C8orf34: variants seen among roughly 807,000 people sequenced by gnomAD.
The protein encoded by C8orf34 is chromosome 8 open reading frame 34.
A neutral mutation model predicts 68.3 loss-of-function variants in C8orf34; 65 were observed. The ratio of observed to expected loss-of-function variants is 0.95; its 90% CI spans 0.78 to 1.17. The LOEUF (loss-of-function observed/expected upper bound fraction) is 1.17. C8orf34 is among the 50% of genes most tolerant of loss of function. The pLI is 0.00. For missense variants in C8orf34, 664 were observed against 655.4 expected, an observed-to-expected ratio of 1.01 and a Z score of -0.14; for synonymous variants, 244 against 241.2, an observed-to-expected ratio of 1.01 and a Z score of -0.11.
At chr8:68,582,930 G>A (rs1817108278) in intron 7 of C8orf34, among the ~76,000 whole-genome samples, 1 of 152,066 alleles carries the variant, frequency 6.6e-6, no homozygotes, top group Non-Finnish European at 1.5e-5. Context: ...GTAATATTTG[G>A]TATAAAGGTT....
intron 8 of C8orf34, among the ~76,000 whole-genome samples, chr8:68,652,021 A>G (rs547182570): frequency 2.6e-5 from 4 of 152,332 alleles, no homozygotes; most frequent in Non-Finnish European, 5.9e-5. Flanking sequence ...CGTGCATTAT[A>G]ATAGACAGAG....
chr8:68,678,764 C>T (rs4326370), intron 8 of C8orf34, among the ~76,000 whole-genome samples: 33,502 of 146,888 alleles, frequency 0.23, 4,017 homozygotes, highest in Middle Eastern at 0.37. Context: ...AAGAAAAAGA[C>T]ACAAAGGGAA....
intron 12 of C8orf34, among the ~76,000 whole-genome samples, chr8:68,809,523 T>C (rs1445393168): frequency 6.6e-6 from 1 of 152,156 alleles, no homozygotes; most frequent in African/African-American, 2.4e-5. Flanking sequence ...ATGCCTGTGG[T>C]CCCAGCTACT....
chr8:68,684,399 T>C (rs1009824139), intron 8 of C8orf34, among the ~76,000 whole-genome samples: 1 of 152,140 alleles, frequency 6.6e-6, no homozygotes, highest in Non-Finnish European at 1.5e-5. Context: ...AGGAGCCAGT[T>C]TGGATGGACA....
chr8:68,632,320 G>A (rs1353782698), intron 7 of C8orf34, among the ~76,000 whole-genome samples: 1 of 152,110 alleles, frequency 6.6e-6, no homozygotes, highest in African/African-American at 2.4e-5. Flanking sequence ...TAGGGTATCT[G>A]GCAGAAGAAA....
intron 5 of C8orf34, among the ~76,000 whole-genome samples, chr8:68,500,410 G>C (rs1813714939): frequency 6.6e-6 from 1 of 152,188 alleles, no homozygotes; most frequent in African/African-American, 2.4e-5. Flanking sequence ...TGAATGCCAC[G>C]TGGGATCCAG....
At chr8:68,431,942 C>T (rs1810469080) in intron 1 of C8orf34, among the ~76,000 whole-genome samples, 1 of 152,080 alleles carries the variant, frequency 6.6e-6, no homozygotes, top group Admixed American at 6.6e-5. Flanking sequence ...TAGTATACAA[C>T]AAGGCTAATT....
intron 1 of C8orf34, 97 bp downstream of exon 1, chr8:68,331,436 G>C (rs1011830601): frequency 2.2e-6 from 3 of 1,339,296 alleles, no homozygotes; most frequent in South Asian, 1.3e-5. Context: ...CCCAGGGAAG[G>C]AGGGCTAGAG....
chr8:68,739,206 A>T (rs1341572416), intron 10 of C8orf34, among the ~76,000 whole-genome samples: 2 of 152,182 alleles, frequency 1.3e-5, no homozygotes, highest in Non-Finnish European at 2.9e-5. Flanking sequence ...GATTATCTCA[A>T]TAGATACAGA....
intron 8 of C8orf34, among the ~76,000 whole-genome samples, chr8:68,694,328 T>C (rs1306732179): frequency 6.6e-6 from 1 of 151,904 alleles, no homozygotes; most frequent in Non-Finnish European, 1.5e-5. Context: ...ATTTGGGAAA[T>C]GATGACAATT....
chr8:68,331,753 ATTTTCTTTTTTC>A (rs1348567914), intron 1 of C8orf34, among the ~76,000 whole-genome samples: 2 of 44,306 alleles, frequency 4.5e-5, no homozygotes, highest in African/African-American at 7.3e-5. Flanking sequence ...TTCGTGTTGG[ATTTTCTTTTTTC>A]TTTTCTTTTC....
chr8:68,582,083 AG>A (rs1817082826), intron 7 of C8orf34, among the ~76,000 whole-genome samples: 1 of 152,180 alleles, frequency 6.6e-6, no homozygotes. Context: ...AACAAAAGTC[AG>A]GGTAACCGGA....
intron 7 of C8orf34, among the ~76,000 whole-genome samples, chr8:68,542,197 C>T (rs141660342): frequency 2.9e-3 from 447 of 152,270 alleles, no homozygotes; most frequent in African/African-American, 9.7e-3. Flanking sequence ...TTCCAACTTA[C>T]AGTGGGAATG....
At chr8:68,545,022 A>G (rs553528369) in intron 7 of C8orf34, among the ~76,000 whole-genome samples, 1 of 152,304 alleles carries the variant, frequency 6.6e-6, no homozygotes, top group South Asian at 2.1e-4. Flanking sequence ...GCATGAATCC[A>G]TAAGAAGTTC....
intron 3 of C8orf34, among the ~76,000 whole-genome samples, chr8:68,451,623 A>T (rs1811348846): frequency 6.6e-6 from 1 of 152,108 alleles, no homozygotes; most frequent in Non-Finnish European, 1.5e-5. Flanking sequence ...GAGTAGAGAG[A>T]ACACACACAT....
chr8:68,538,289 T>G (rs929915915), intron 7 of C8orf34, among the ~76,000 whole-genome samples: 4 of 152,176 alleles, frequency 2.6e-5, no homozygotes, highest in African/African-American at 7.2e-5. Flanking sequence ...TAGTGGTATA[T>G]GGCCAAAGCA....
chr8:68,547,723 A>G (rs75050984), intron 7 of C8orf34, among the ~76,000 whole-genome samples: 1 of 151,790 alleles, frequency 6.6e-6, no homozygotes, highest in South Asian at 2.1e-4. Flanking sequence ...TTATATGGAA[A>G]TAATGACCTT....
intron 3 of C8orf34, among the ~76,000 whole-genome samples, chr8:68,455,636 T>C (rs922926792): frequency 3.3e-5 from 5 of 152,166 alleles, no homozygotes; most frequent in African/African-American, 1.2e-4. Flanking sequence ...GTTCTTTTAG[T>C]ATTACCATTA....
At position 68,709,002 on chromosome 8, in the gene C8orf34, G is replaced by A. The variant is rs748608422; in HGVS notation, c.1250G>A (p.Gly417Glu). 2 of 1,600,836 alleles carry A rather than the reference G, an allele frequency of 1.2e-6. No individual in the cohort carries two copies. Among genetic ancestry groups the A allele is most frequent in the East Asian group, 2.2e-5 (1 of 44,716 alleles). The change falls in exon 9 of 14, where the codon GGA becomes GAA. Residue 417 changes from glycine to glutamate, a missense_variant. Physicochemically the swap from Gly to Glu is moderately conservative, Grantham distance 98 (BLOSUM62 -2). Transcript: ENST00000518698. ...CATTTTTAATTATTTAGGCTTCAAG[G>A]AGACAACCTGGAAGAAAGGACAGAA... ...NICSRCARLQGDNLEERTEES... is the reference protein window; with the variant it reads ...NICSRCARLQEDNLEERTEES...
Sources: gnomAD v4.1 joint callset for allele counts (sites outside exome capture counted in the v4.1 genomes callset) on GRCh38, gnomAD v4.1.1 for gene constraint, MANE v1.5 for transcripts, NCBI Gene and HGNC (gene_info 2026-07-23, HGNC 2026-07-21) for gene names.